The following STK3 variants were observed in gnomAD, a reference collection of about 807,000 sequenced individuals.
STK3 encodes serine/threonine kinase 3.
In STK3, 41 loss-of-function variants were observed where a neutral mutation model predicts 58.0. That is an observed-to-expected ratio of 0.71 (90% CI 0.55 to 0.92). The LOEUF (loss-of-function observed/expected upper bound fraction) is 0.92, where lower values mean the gene tolerates loss of function less well. Among genes scored for constraint, STK3 ranks in the 40% least tolerant of loss-of-function variants. The pLI is 0.00. For missense variants in STK3, 479 were observed against 602.7 expected, an observed-to-expected ratio of 0.79 and a Z score of 2.15; for synonymous variants, 170 against 191.0, an observed-to-expected ratio of 0.89 and a Z score of 0.91.
intron 3 of STK3, among the ~76,000 whole-genome samples, chr8:98,842,612 A>C (rs1587736772): frequency 6.6e-6 from 1 of 152,322 alleles, no homozygotes; most frequent in East Asian, 1.9e-4. Flanking sequence ...TGGGAGGTTG[A>C]GGCTGCAGTG....
chr8:98,837,996 A>G (rs769496341), intron 3 of STK3, among the ~76,000 whole-genome samples: 2 of 150,242 alleles, frequency 1.3e-5, no homozygotes, highest in Non-Finnish European at 3.0e-5. Context: ...TGGGAGGCCA[A>G]GGTGGGTGGA....
chr8:98,785,895 A>T (rs1832437228), intron 1 of STK3, among the ~76,000 whole-genome samples: 1 of 152,232 alleles, frequency 6.6e-6, no homozygotes, highest in African/African-American at 2.4e-5. Context: ...AAATAATTAC[A>T]CAAATTAGCA....
At chr8:98,711,611 C>T (rs1049598109) in intron 4 of STK3, among the ~76,000 whole-genome samples, 2 of 152,122 alleles carry the variant, frequency 1.3e-5, no homozygotes. Context: ...ATGAACAAAG[C>T]CTCCAAGAAA....
intron 1 of STK3, among the ~76,000 whole-genome samples, chr8:98,892,924 C>T (rs559940093): frequency 1.0e-3 from 156 of 152,188 alleles, no homozygotes; most frequent in African/African-American, 3.6e-3. Context: ...TTTCTTACTA[C>T]AGCTCTCTAA....
chr8:98,843,903 G>A (rs898861713), intron 3 of STK3, among the ~76,000 whole-genome samples: 3 of 152,206 alleles, frequency 2.0e-5, no homozygotes, highest in African/African-American at 4.8e-5. Flanking sequence ...TGTAATCCCA[G>A]CTACTCCAGC....
chr8:98,373,815 A>G (rs1211967070), intron 2 of STK3, among the ~76,000 whole-genome samples: 1 of 152,242 alleles, frequency 6.6e-6, no homozygotes, highest in African/African-American at 2.4e-5. Flanking sequence ...ATGAGGAAAC[A>G]GGATCAGAAA....
intron 3 of STK3, among the ~76,000 whole-genome samples, chr8:98,415,443 G>A (rs989928935): frequency 1.3e-5 from 2 of 152,160 alleles, no homozygotes; most frequent in Non-Finnish European, 2.9e-5. Context: ...GTTTCCTGAT[G>A]TGGCAGCACA....
intron 3 of STK3, chr8:98,429,128 G>C (rs746351827): frequency 2.5e-6 from 4 of 1,613,350 alleles, no homozygotes; most frequent in Non-Finnish European, 3.4e-6. Context: ...TGGTCCCAGG[G>C]ACCACGGCAG....
At chr8:98,887,633 AC>A (rs1462544462) in intron 1 of STK3, among the ~76,000 whole-genome samples, 1 of 152,054 alleles carries the variant, frequency 6.6e-6, no homozygotes, top group African/African-American at 2.4e-5. Flanking sequence ...ACAACCACAC[AC>A]CCCCACCCCA....
At chr8:98,471,258 A>C (rs1820893604) in intron 10 of STK3, among the ~76,000 whole-genome samples, 1 of 151,960 alleles carries the variant, frequency 6.6e-6, no homozygotes, top group East Asian at 1.9e-4. Context: ...CCTCTAAGAG[A>C]GGGCTAAGTC....
chr8:98,349,710 C>T, the STK3 span, among the ~76,000 whole-genome samples: 1 of 152,212 alleles, frequency 6.6e-6, no homozygotes, highest in Non-Finnish European at 1.5e-5. Context: ...CTTCTGTGTA[C>T]CTGCAGGCTC....
intron 4 of STK3, among the ~76,000 whole-genome samples, chr8:98,709,403 CT>C (rs1040914446): frequency 2.4e-4 from 36 of 152,296 alleles, no homozygotes; most frequent in Admixed American, 2.0e-3. Flanking sequence ...GATTCAACTT[CT>C]CAAATTTTCT....
intron 1 of STK3, among the ~76,000 whole-genome samples, chr8:98,926,151 T>C (rs1365085652): frequency 1.3e-5 from 2 of 152,226 alleles, no homozygotes; most frequent in Non-Finnish European, 2.9e-5. Context: ...GTTGGAAATG[T>C]GCCTTCTAAC....
At chr8:98,450,621 A>T (rs1183686836), downstream of STK3, among the ~76,000 whole-genome samples, 2 of 152,234 alleles carry the variant, frequency 1.3e-5, no homozygotes, top group Admixed American at 6.5e-5. Flanking sequence ...AATATAATAC[A>T]TTATCATTTA....
chr8:98,699,413 G>A lies in STK3; in HGVS notation c.684+7054C>T, dbSNP rs1302912289. On this transcript the variant is annotated intron_variant, in intron 6 of 10. Transcript: ENST00000419617. ...TGTTCCATTGCTGGTGAGGAGCTGC[G>A]TTCCTTTGGAGGAGGAGAGGCACTC... is the stretch of plus-strand genomic sequence containing the variant. Among the ~76,000 whole-genome samples the A allele has an allele frequency of 2.6e-3, 390 of 152,066 alleles. 2 individuals are homozygous for A. Among genetic ancestry groups the A allele is most frequent in the Non-Finnish European group, 4.2e-3 (288 of 67,968 alleles).
chr8:98,413,414 C>CT, intron 3 of STK3: 1 of 561,506 alleles, frequency 1.8e-6, no homozygotes, highest in South Asian at 1.4e-5. Context: ...CTATTTCCTG[C>CT]TGATCCCTCA....
intron 1 of STK3, among the ~76,000 whole-genome samples, chr8:98,802,159 A>T (rs1833599049): frequency 6.6e-6 from 1 of 152,198 alleles, no homozygotes; most frequent in Non-Finnish European, 1.5e-5. Context: ...ACTACAGAGC[A>T]AGACCCTGTC....
At chr8:98,710,590 G>A (rs1378301906) in intron 4 of STK3, among the ~76,000 whole-genome samples, 1 of 152,228 alleles carries the variant, frequency 6.6e-6, no homozygotes, top group African/African-American at 2.4e-5. Context: ...AGCGAGGCTG[G>A]GGGAGGGGCG....
chr8:98,548,268 A>G, intron 8 of STK3, 107 bp from the exon 9 acceptor site: 1 of 782,012 alleles, frequency 1.3e-6, no homozygotes, highest in Non-Finnish European at 1.8e-6. Flanking sequence ...TATTAAAAAT[A>G]CTATTAGTAC....
Sources: gnomAD v4.1 joint callset for allele counts (sites outside exome capture counted in the v4.1 genomes callset) on GRCh38, gnomAD v4.1.1 for gene constraint, MANE v1.5 for transcripts, NCBI Gene and HGNC (gene_info 2026-07-23, HGNC 2026-07-21) for gene names.